ACBD6: variants seen among roughly 807,000 people sequenced by gnomAD.
The protein encoded by ACBD6 is acyl-CoA-binding domain-containing protein 6.
A neutral mutation model predicts 37.2 loss-of-function variants in ACBD6; 28 were observed. The ratio of observed to expected loss-of-function variants is 0.75; its 90% CI spans 0.56 to 1.03. ACBD6 has a LOEUF of 1.03. Ranked by LOEUF, ACBD6 falls within the 50% of genes least tolerant of loss-of-function variation. The probability of loss-of-function intolerance (pLI) is 0.00; values close to 1 mark genes in which losing one functional copy is unlikely to be tolerated. For synonymous variants in ACBD6, 113 were observed against 126.8 expected, an observed-to-expected ratio of 0.89 and a Z score of 0.73; for missense variants, 340 against 337.4, an observed-to-expected ratio of 1.01 and a Z score of -0.06.
chr1:180,282,035 G>A (rs1400048189), intron 8 of ACBD6, among the ~76,000 whole-genome samples: 1 of 151,996 alleles, frequency 6.6e-6, no homozygotes, highest in Non-Finnish European at 1.5e-5. Flanking sequence ...TTTTCCTTTA[G>A]AACCCTTTCT....
At chr1:180,414,531 T>G (rs1647995990) in intron 4 of ACBD6, among the ~76,000 whole-genome samples, 1 of 152,226 alleles carries the variant, frequency 6.6e-6, no homozygotes, top group South Asian at 2.1e-4. Context: ...TTTAAGCCGC[T>G]TAAGTATTTT....
intron 3 of ACBD6, among the ~76,000 whole-genome samples, chr1:180,490,734 C>T (rs1237658404): frequency 4.7e-5 from 7 of 148,806 alleles, no homozygotes; most frequent in African/African-American, 1.2e-4. Context: ...TACAGTGAGC[C>T]GAGATTGCGC....
Position 180,288,345 on chromosome 1 carries a change from A to T in ACBD6, c.*18T>A. ...GAAGCCTTATGCTATTACAGACTGC[A>T]GTTTTCCAGTCTTTTGATTAAGCCT... is the stretch of plus-strand genomic sequence containing the variant. On this transcript the variant is annotated 3_prime_UTR_variant, in exon 8 of 8. Transcript: ENST00000367595. 1 of 1,613,544 alleles carries T rather than the reference A, an allele frequency of 6.2e-7. No individual in the cohort carries two copies. The highest frequency in any genetic ancestry group is 8.5e-7 in the Non-Finnish European group (1 of 1,179,924).
intron 3 of ACBD6, among the ~76,000 whole-genome samples, chr1:180,450,727 T>C (rs1369372048): frequency 6.6e-5 from 10 of 152,054 alleles, no homozygotes; most frequent in African/African-American, 2.4e-5. Context: ...GCCACTGCAC[T>C]CCAGCCTGGG....
intron 3 of ACBD6, among the ~76,000 whole-genome samples, chr1:180,441,686 T>A (rs867675981): frequency 3.3e-5 from 5 of 152,242 alleles, no homozygotes; most frequent in South Asian, 2.1e-4. Context: ...TATCCGCTGA[T>A]GGTCTAAAGA....
At chr1:180,413,202 A>G (rs572587941) in intron 5 of ACBD6, among the ~76,000 whole-genome samples, 164 bp downstream of exon 5, 9 of 152,350 alleles carry the variant, frequency 5.9e-5, no homozygotes, top group Admixed American at 5.2e-4. Flanking sequence ...ACATAATCAC[A>G]GAACGTATCT....
At chr1:180,332,592 G>C (rs1457877426) in intron 6 of ACBD6, among the ~76,000 whole-genome samples, 1 of 151,828 alleles carries the variant, frequency 6.6e-6, no homozygotes, top group East Asian at 1.9e-4. Context: ...AATGCCTGAT[G>C]ATCTGACAGT....
intron 6 of ACBD6, among the ~76,000 whole-genome samples, chr1:180,389,687 C>G (rs535818098): frequency 6.6e-6 from 1 of 152,076 alleles, no homozygotes; most frequent in Non-Finnish European, 1.5e-5. Flanking sequence ...TTTTAATGAT[C>G]GCCATTCTAA....
chr1:180,386,117 C>T (rs1294199898), intron 6 of ACBD6, among the ~76,000 whole-genome samples: 2 of 152,156 alleles, frequency 1.3e-5, no homozygotes, highest in South Asian at 2.1e-4. Context: ...TTGCAGTGAG[C>T]CAAGATTGCA....
At chr1:180,455,100 G>C (rs916718073) in intron 3 of ACBD6, among the ~76,000 whole-genome samples, 1 of 152,158 alleles carries the variant, frequency 6.6e-6, no homozygotes, top group Non-Finnish European at 1.5e-5. Context: ...ATTCACAATA[G>C]CAAAGACTTG....
At position 180,502,486 on chromosome 1, in the gene ACBD6, A is replaced by G; in HGVS notation, c.-220T>C. The G allele has an allele frequency of 1.7e-6, 1 of 591,544 alleles. No individual in the cohort carries two copies. Among genetic ancestry groups the G allele is most frequent in the Non-Finnish European group, 3.0e-6 (1 of 330,924 alleles). The allele number at this position is 591,544 out of a possible 1,614,324, so 36.6% of individuals were successfully genotyped here. A position where few individuals can be genotyped will look rare whatever the true frequency, so the allele number is the denominator to read the frequency against. ...TCCTCGACCCTCTGCCGCTCTGCCCAGTCGACCCGGTCTCCTCCGGCTTCC... is the reference window on the plus strand; with the variant it reads ...TCCTCGACCCTCTGCCGCTCTGCCCGGTCGACCCGGTCTCCTCCGGCTTCC... On this transcript the variant is annotated 5_prime_UTR_variant, in exon 1 of 8. Transcript: ENST00000367595.
intron 3 of ACBD6, among the ~76,000 whole-genome samples, chr1:180,465,081 G>T (rs1650296232): frequency 6.6e-6 from 1 of 152,028 alleles, no homozygotes; most frequent in Non-Finnish European, 1.5e-5. Flanking sequence ...TAAAAACCCT[G>T]GAAGACAACC....
At chr1:180,327,051 G>A (rs1473758033) in intron 6 of ACBD6, among the ~76,000 whole-genome samples, 1 of 152,102 alleles carries the variant, frequency 6.6e-6, no homozygotes, top group Non-Finnish European at 1.5e-5. Context: ...GTGCTGCCCT[G>A]GTCCACTGTC....
intron 3 of ACBD6, among the ~76,000 whole-genome samples, chr1:180,467,553 A>T (rs958090629): frequency 7.9e-5 from 12 of 151,680 alleles, no homozygotes; most frequent in Non-Finnish European, 1.5e-4. Context: ...CAGGAGGCTG[A>T]GGCAGGAGAA....
chr1:180,282,011 T>C (rs1471867771), intron 8 of ACBD6, among the ~76,000 whole-genome samples: 1 of 152,254 alleles, frequency 6.6e-6, no homozygotes, highest in African/African-American at 2.4e-5. Context: ...ATTTTTGCCA[T>C]TGTGATTTCA....
At chr1:180,474,797 AAAAAAATATCCTCCTTC>A (rs1210423401) in intron 3 of ACBD6, among the ~76,000 whole-genome samples, 1 of 152,226 alleles carries the variant, frequency 6.6e-6, no homozygotes, top group African/African-American at 2.4e-5. Context: ...AATGGAGAAT[AAAAAAATATCCTCCTTC>A]ACTGGATTTC....
intron 6 of ACBD6, among the ~76,000 whole-genome samples, chr1:180,377,121 G>GA (rs202004570): frequency 3.7e-4 from 56 of 149,444 alleles, no homozygotes; most frequent in African/African-American, 5.4e-4. Context: ...GAGTTGAACA[G>GA]AAAAAAAAAC....
intron 7 of ACBD6, among the ~76,000 whole-genome samples, chr1:180,305,201 T>C (rs937764022): frequency 1.3e-5 from 2 of 152,202 alleles, no homozygotes; most frequent in Admixed American, 6.5e-5. Context: ...AAGGACTTCA[T>C]GTCTACAACA....
chr1:180,337,789 A>T lies in ACBD6; in HGVS notation c.664-23067T>A, dbSNP rs373934869. Among the ~76,000 whole-genome samples, 2 of 152,254 alleles carry T rather than the reference A, an allele frequency of 1.3e-5. 1 individual carries two copies. Among genetic ancestry groups the T allele is most frequent in the Admixed American group, 1.3e-4 (2 of 15,292 alleles). On this transcript the variant is annotated intron_variant, in intron 6 of 7. Coordinates refer to ENST00000367595, the MANE Select transcript of ACBD6 (RefSeq NM_032360.4). ...CAGCCCAAAATCTCCTTAAGCTGAT[A>T]AGCAACTTCAGCAAAGTCTCAGGGT...
Sources: gnomAD v4.1 joint callset for allele counts (sites outside exome capture counted in the v4.1 genomes callset) on GRCh38, gnomAD v4.1.1 for gene constraint, MANE v1.5 for transcripts, NCBI Gene and HGNC (gene_info 2026-07-23, HGNC 2026-07-21) for gene names.